ESR1: variants seen among roughly 807,000 people sequenced by gnomAD.
ESR1 encodes estrogen receptor 1.
In ESR1, 12 loss-of-function variants were observed where a neutral mutation model predicts 52.7. The ratio of observed to expected loss-of-function variants is 0.23; its 90% confidence interval spans 0.15 to 0.37. The LOEUF (loss-of-function observed/expected upper bound fraction) is 0.37. Ranked by LOEUF, ESR1 falls within the 10% of genes least tolerant of loss-of-function variation. ESR1 has a pLI of 1.00. For synonymous variants in ESR1, 305 were observed against 316.8 expected (o/e 0.96, Z 0.39); for missense variants, 584 against 779.7 (o/e 0.75, Z 2.99).
At chr6:152,104,859 A>G (rs574395666), downstream of ESR1, among the ~76,000 whole-genome samples, 28 of 152,310 alleles carry the variant, frequency 1.8e-4, no homozygotes, top group Middle Eastern at 3.4e-3. Context: ...TGGAACTTTC[A>G]GCTCTACCCT....
At chr6:151,792,909 G>T (rs1230703287) in intron 2 of ESR1, among the ~76,000 whole-genome samples, 1 of 152,100 alleles carries the variant, frequency 6.6e-6, no homozygotes, top group Admixed American at 6.6e-5. Context: ...GGGGGCTCAC[G>T]CCTGTAATCC....
chr6:152,064,644 T>C (rs567365378), intron 6 of ESR1, among the ~76,000 whole-genome samples: 22 of 152,320 alleles, frequency 1.4e-4, no homozygotes, highest in African/African-American at 4.6e-4. Flanking sequence ...TCTTTGCATT[T>C]TTAAAGTTAA....
intron 3 of ESR1, among the ~76,000 whole-genome samples, chr6:151,912,494 A>G (rs887434109): frequency 1.3e-5 from 2 of 152,174 alleles, no homozygotes; most frequent in Non-Finnish European, 2.9e-5. Context: ...GGAACAGGTG[A>G]ACAGCTGGTG....
At chr6:151,928,159 T>G (rs1487778139) in intron 3 of ESR1, among the ~76,000 whole-genome samples, 2 of 152,236 alleles carry the variant, frequency 1.3e-5, no homozygotes, top group Non-Finnish European at 2.9e-5. Context: ...TTTCAGATGC[T>G]CCTTGACTTA....
At chr6:151,789,239 T>G (rs891331407) in intron 2 of ESR1, among the ~76,000 whole-genome samples, 1 of 152,216 alleles carries the variant, frequency 6.6e-6, no homozygotes, top group African/African-American at 2.4e-5. Context: ...ATTTTTTTAT[T>G]GAGTCAGATG....
rs9341067 is a variant in ESR1 at position 152,098,584 on chromosome 6, C to T, written c.1554-148C>T. 0.015 allele frequency: 10,934 copies of T among 723,818 alleles called. 132 individuals carry two copies. The highest frequency in any genetic ancestry group is 0.028 in the Middle Eastern group (80 of 2,814). The allele number at this position is 723,818 out of a possible 1,614,324, so 44.8% of individuals were successfully genotyped here. The stretch of plus-strand genomic sequence containing the variant: ...CTGAAAGCCCTCAGCTTTCCCAGCT[C>T]CCATCCTAAAGTGGGTCTTTAAACA... On this transcript the variant is annotated intron_variant, in intron 7 of 7. Transcript: ENST00000206249. This position sits in a 1 kb window ranked among gnomAD's most constrained non-coding sequence, Gnocchi z 5.1.
At chr6:151,991,146 A>C (rs2040974877) in intron 4 of ESR1, among the ~76,000 whole-genome samples, 1 of 152,196 alleles carries the variant, frequency 6.6e-6, no homozygotes, top group Non-Finnish European at 1.5e-5. Context: ...GGCTCTGTAC[A>C]GACAGTAAGT....
intron 1 of ESR1, among the ~76,000 whole-genome samples, chr6:151,671,316 G>A (rs1352900865): frequency 1.3e-5 from 2 of 152,208 alleles, no homozygotes; most frequent in African/African-American, 4.8e-5. Flanking sequence ...TAAAGCAAAT[G>A]TGGTATGTAT....
chr6:151,700,417 A>G (rs942753365), intron 1 of ESR1, among the ~76,000 whole-genome samples: 2 of 152,198 alleles, frequency 1.3e-5, no homozygotes, highest in Non-Finnish European at 2.9e-5. Context: ...CTTTAGTAGA[A>G]CATAGCAATG....
chr6:151,868,681 T>C (rs1197543634), intron 2 of ESR1, among the ~76,000 whole-genome samples: 1 of 152,196 alleles, frequency 6.6e-6, no homozygotes, highest in Non-Finnish European at 1.5e-5. Context: ...GGTGTAGATA[T>C]ACCATATATT....
intron 3 of ESR1, among the ~76,000 whole-genome samples, chr6:151,931,239 G>A (rs917338415): frequency 2.0e-5 from 3 of 151,678 alleles, no homozygotes; most frequent in Admixed American, 1.3e-4. Flanking sequence ...TTTCAGTTGG[G>A]GACGTTTCTG....
intron 4 of ESR1, among the ~76,000 whole-genome samples, chr6:151,948,266 A>G (rs2035935580): frequency 6.6e-6 from 1 of 152,168 alleles, no homozygotes; most frequent in African/African-American, 2.4e-5. Context: ...TGATTTATTG[A>G]AAGTTAAGCC....
intron 3 of ESR1, among the ~76,000 whole-genome samples, chr6:151,934,577 A>G (rs2034120682): frequency 6.6e-6 from 1 of 152,208 alleles, no homozygotes; most frequent in South Asian, 2.1e-4. Flanking sequence ...TTAAAAAATC[A>G]TGATGAAGAT....
At chr6:151,950,070 G>A (rs1245912562) in intron 4 of ESR1, among the ~76,000 whole-genome samples, 1 of 152,146 alleles carries the variant, frequency 6.6e-6, no homozygotes, top group Non-Finnish European at 1.5e-5. Flanking sequence ...GTTAAAAAGG[G>A]GAGTTTTTCT....
chr6:151,977,733 T>C (rs2039577079), intron 4 of ESR1, among the ~76,000 whole-genome samples: 1 of 151,924 alleles, frequency 6.6e-6, no homozygotes, highest in Non-Finnish European at 1.5e-5. Context: ...AGGCGGAGGT[T>C]GCAGTGAGCC....
chr6:152,047,897 C>T (rs2046349468), intron 5 of ESR1, among the ~76,000 whole-genome samples: 1 of 151,048 alleles, frequency 6.6e-6, no homozygotes, highest in Non-Finnish European at 1.5e-5. Context: ...GGCCACTGTG[C>T]CTGGGGTCAC....
At chr6:152,060,914 C>A (rs1473056687) in intron 5 of ESR1, 77 bp from the exon 6 acceptor site, 3 of 1,187,356 alleles carry the variant, frequency 2.5e-6, no homozygotes, top group Non-Finnish European at 3.6e-6. Context: ...TGAATGTGAA[C>A]CCTTTCATGT....
At chr6:152,049,712 AGAGTGAGGTTCCT>A (rs1362491455) in intron 5 of ESR1, among the ~76,000 whole-genome samples, 2 of 152,132 alleles carry the variant, frequency 1.3e-5, no homozygotes, top group Non-Finnish European at 2.9e-5. Flanking sequence ...GGAGGAAGAG[AGAGTGAGGTTCCT>A]CTTGGCTCTG....
chr6:152,050,410 T>C (rs2128924921), intron 5 of ESR1, among the ~76,000 whole-genome samples: 1 of 152,354 alleles, frequency 6.6e-6, no homozygotes, highest in South Asian at 2.1e-4. Context: ...CCTCCATTTT[T>C]TCAGAATAAC....
Sources: allele counts gnomAD v4.1 joint callset (sites outside exome capture counted in the v4.1 genomes callset), GRCh38; gene constraint gnomAD v4.1.1; non-coding constraint Gnocchi (gnomAD v3.1); transcripts MANE v1.5; gene names NCBI Gene and HGNC (gene_info 2026-07-23, HGNC 2026-07-21).